DLG2: variants seen among roughly 807,000 people sequenced by gnomAD.
DLG2 encodes the protein disks large homolog 2.
DLG2 carries 45 observed loss-of-function variants against 132.5 expected under a neutral mutation model. The observed-to-expected ratio is 0.34, with a 90% confidence interval of 0.27 to 0.44. DLG2 has a LOEUF of 0.44. Ranked by LOEUF, DLG2 falls within the 20% of genes least tolerant of loss-of-function variation. The pLI, the probability that DLG2 is intolerant of heterozygous loss-of-function variation, is 1.00. For missense variants in DLG2, 1,045 were observed against 1,196.9 expected (o/e 0.87, Z 1.87); for synonymous variants, 424 against 419.6 (o/e 1.01, Z -0.13).
intron 15 of DLG2, among the ~76,000 whole-genome samples, chr11:83,895,992 A>T (rs539570565): frequency 2.0e-5 from 3 of 152,320 alleles, no homozygotes; most frequent in South Asian, 2.1e-4. Flanking sequence ...ACTCACTTTT[A>T]TCAAGACGAA....
intron 3 of DLG2, among the ~76,000 whole-genome samples, chr11:85,316,540 T>C (rs542564385): frequency 1.3e-5 from 2 of 152,034 alleles, no homozygotes; most frequent in East Asian, 1.9e-4. Flanking sequence ...ATGAATACTA[T>C]AGATGATGCA....
At chr11:83,568,415 T>C (rs2096744381) in intron 19 of DLG2, among the ~76,000 whole-genome samples, 1 of 151,968 alleles carries the variant, frequency 6.6e-6, no homozygotes. Flanking sequence ...AATTAAGAAG[T>C]CCAGTAACAG....
At position 83,838,049 on chromosome 11, in the gene DLG2, T is replaced by C. The variant is rs144995663; in HGVS notation, c.1566-4279A>G. Among the ~76,000 whole-genome samples, 106 of 143,786 alleles carry C rather than the reference T, an allele frequency of 7.4e-4. 2 individuals carry two copies. Among genetic ancestry groups the C allele is most frequent in the Non-Finnish European group, 3.6e-4 (24 of 66,548 alleles). The allele number at this position is 143,786 out of a possible 152,430, so 94.3% of individuals were successfully genotyped here. ...CAACACTGAAGCTCTATATAGTACA[T>C]ATAGATGGAGGGAAGAGAGTGATTA... On this transcript the variant is annotated intron_variant, in intron 16 of 27. Transcript: ENST00000376104.
intron 16 of DLG2, among the ~76,000 whole-genome samples, chr11:83,843,369 T>A (rs2058015371): frequency 6.6e-6 from 1 of 152,212 alleles, no homozygotes; most frequent in Admixed American, 6.5e-5. Flanking sequence ...TGCTGTCCCC[T>A]CTACCCTCAC....
intron 7 of DLG2, among the ~76,000 whole-genome samples, chr11:84,252,608 C>T (rs1244282824): frequency 1.3e-5 from 2 of 152,052 alleles, no homozygotes; most frequent in Admixed American, 1.3e-4. Context: ...CTGTGTAAAA[C>T]TGATACAGGA....
At chr11:84,391,432 C>G (rs192869134) in intron 7 of DLG2, among the ~76,000 whole-genome samples, 3 of 152,228 alleles carry the variant, frequency 2.0e-5, no homozygotes, top group Admixed American at 2.0e-4. Flanking sequence ...CAGCTTAGTT[C>G]TATTTTTACC....
At chr11:85,333,941 C>T (rs943491600) in intron 3 of DLG2, among the ~76,000 whole-genome samples, 12 of 151,880 alleles carry the variant, frequency 7.9e-5, no homozygotes, top group African/African-American at 2.7e-4. Flanking sequence ...ATGATCCTGC[C>T]CTCACAGAAT....
chr11:84,868,972 T>C (rs533897422), intron 6 of DLG2, among the ~76,000 whole-genome samples: 1 of 152,220 alleles, frequency 6.6e-6, no homozygotes, highest in Non-Finnish European at 1.5e-5. Context: ...TATGTCAAGC[T>C]AGCATATTGT....
intron 3 of DLG2, among the ~76,000 whole-genome samples, chr11:85,431,396 A>G (rs1169502372): frequency 6.6e-6 from 1 of 152,146 alleles, no homozygotes; most frequent in Non-Finnish European, 1.5e-5. Context: ...TTTCCACTGA[A>G]CTGTGCAACC....
At chr11:84,022,954 T>C (rs1265457588) in intron 11 of DLG2, among the ~76,000 whole-genome samples, 1 of 152,156 alleles carries the variant, frequency 6.6e-6, no homozygotes, top group Non-Finnish European at 1.5e-5. Context: ...AAAAGGCAGC[T>C]TTTTAATCTT....
At chr11:84,727,348 G>A (rs909762357) in intron 6 of DLG2, among the ~76,000 whole-genome samples, 8 of 152,140 alleles carry the variant, frequency 5.3e-5, no homozygotes, top group Non-Finnish European at 1.0e-4. Flanking sequence ...TTATTAAATA[G>A]GGAATCTTTT....
chr11:83,806,344 A>C (rs1362288582), intron 17 of DLG2, among the ~76,000 whole-genome samples: 2 of 152,194 alleles, frequency 1.3e-5, no homozygotes, highest in African/African-American at 4.8e-5. Flanking sequence ...CTTAACCTTC[A>C]GGTAACCACT....
intron 4 of DLG2, among the ~76,000 whole-genome samples, chr11:85,270,107 G>T (rs1008880153): frequency 6.6e-6 from 1 of 152,086 alleles, no homozygotes; most frequent in Non-Finnish European, 1.5e-5. Context: ...AATACATATT[G>T]GTACCATTTG....
At chr11:85,605,929 G>T (rs2080501140) in intron 2 of DLG2, among the ~76,000 whole-genome samples, 1 of 152,042 alleles carries the variant, frequency 6.6e-6, no homozygotes, top group South Asian at 2.1e-4. Context: ...AGTGAGCTGA[G>T]ATCGTGCCAC....
intron 6 of DLG2, among the ~76,000 whole-genome samples, chr11:84,844,147 ATATATATATATATATATATAT>A (rs2081165824): frequency 1.2e-5 from 1 of 81,808 alleles, no homozygotes; most frequent in East Asian, 2.7e-4. Flanking sequence ...ATATATATAT[ATATATATATATATATATATAT>A]ATATGTATCT....
intron 6 of DLG2, among the ~76,000 whole-genome samples, chr11:84,716,741 T>C (rs570309427): frequency 8.6e-5 from 13 of 151,064 alleles, no homozygotes; most frequent in Non-Finnish European, 3.0e-5. Context: ...GGAACTGATA[T>C]AATAGAAAAT....
chr11:85,111,259 G>A (rs905499273), intron 6 of DLG2, among the ~76,000 whole-genome samples: 2 of 152,122 alleles, frequency 1.3e-5, no homozygotes, highest in Admixed American at 6.6e-5. Context: ...CTTGAAAATT[G>A]CAAGTTGGTG....
intron 6 of DLG2, among the ~76,000 whole-genome samples, chr11:84,710,911 C>A (rs2060310960): frequency 6.7e-6 from 1 of 150,188 alleles, no homozygotes; most frequent in Non-Finnish European, 1.5e-5. Flanking sequence ...CTGACACCAT[C>A]ATTTAAATTT....
chr11:83,795,520 T>G (rs2042620667), intron 17 of DLG2, among the ~76,000 whole-genome samples: 1 of 152,118 alleles, frequency 6.6e-6, no homozygotes, highest in Admixed American at 6.6e-5. Context: ...TTGGCATCCT[T>G]TTCACAATAA....
Sources: allele counts gnomAD v4.1 joint callset (sites outside exome capture counted in the v4.1 genomes callset), GRCh38; gene constraint gnomAD v4.1.1; transcripts MANE v1.5; gene names NCBI Gene and HGNC (gene_info 2026-07-23, HGNC 2026-07-21).